The following PRKCE variants were observed in gnomAD, a reference collection of about 807,000 sequenced individuals.
PRKCE encodes protein kinase C epsilon type.
In PRKCE, 16 loss-of-function variants were observed where a neutral mutation model predicts 85.4. The ratio of observed to expected loss-of-function variants is 0.19; its 90% CI spans 0.13 to 0.28. The LOEUF (loss-of-function observed/expected upper bound fraction) is 0.28, where lower values mean the gene tolerates loss of function less well. PRKCE is among the 10% of genes least tolerant of loss of function. The pLI is 1.00. For synonymous variants in PRKCE, 388 were observed against 371.5 expected, an observed-to-expected ratio of 1.04 and a Z score of -0.51; for missense variants, 573 against 975.2, an observed-to-expected ratio of 0.59 and a Z score of 5.49.
chr2:46,100,752 CAT>C (rs1390487764), intron 11 of PRKCE, among the ~76,000 whole-genome samples: 2 of 152,210 alleles, frequency 1.3e-5, no homozygotes, highest in Admixed American at 1.3e-4. Flanking sequence ...ACGAGTAAGT[CAT>C]TTTTGCTGTG....
intron 10 of PRKCE, among the ~76,000 whole-genome samples, chr2:46,019,812 CTGTT>C (rs1171596819): frequency 6.8e-6 from 1 of 147,632 alleles, no homozygotes; most frequent in Non-Finnish European, 1.5e-5. Context: ...TTCTCCTAAA[CTGTT>C]TGCTTTTTCT....
intron 12 of PRKCE, among the ~76,000 whole-genome samples, chr2:46,150,158 T>A (rs530298570): frequency 6.6e-6 from 1 of 152,316 alleles, no homozygotes; most frequent in East Asian, 1.9e-4. Context: ...CCAGAAAAGA[T>A]GTCTTGTATT....
At chr2:45,666,086 G>C (rs944111142) in intron 1 of PRKCE, among the ~76,000 whole-genome samples, 6 of 152,134 alleles carry the variant, frequency 3.9e-5, no homozygotes, top group African/African-American at 1.2e-4. Flanking sequence ...CTCCTCCCCT[G>C]ATGGTGAATA....
chr2:46,055,307 T>G (rs1367755152), intron 10 of PRKCE, among the ~76,000 whole-genome samples: 1 of 152,158 alleles, frequency 6.6e-6, no homozygotes, highest in East Asian at 1.9e-4. Context: ...CTGCACCTGC[T>G]CACCTGTGCT....
chr2:46,074,007 G>T (rs555318903), intron 10 of PRKCE: 1 of 152,194 alleles, frequency 6.6e-6, no homozygotes, highest in East Asian at 1.9e-4. Flanking sequence ...AGGTAAGAGG[G>T]GGCAGCTTTT....
intron 1 of PRKCE, among the ~76,000 whole-genome samples, chr2:45,802,083 TA>T (rs36010894): frequency 0.077 from 9,342 of 121,844 alleles, 410 homozygotes; most frequent in East Asian, 0.24. Context: ...GACCCTATCT[TA>T]AAAAAAAAAA....
rs752346696 is a variant in PRKCE, at chr2:46,073,823, A to T, written c.1438-12385A>T. 25 of 152,114 alleles carry T rather than the reference A, an allele frequency of 1.6e-4. 1 individual carries two copies. The highest frequency in any genetic ancestry group is 3.3e-4 in the Admixed American group (5 of 15,268). 9.4% of individuals were successfully genotyped at this position (152,114 alleles called of 1,614,324 possible). A position where few individuals can be genotyped will look rare whatever the true frequency, so the allele number is the denominator to read the frequency against. On this transcript the variant is annotated intron_variant, in intron 10 of 14. Transcript: ENST00000306156. ...ATGAATACATCTGGGGATGGAAGAG[A>T]GACACCGTCCTTCCAGTATTCCAAG...
chr2:45,791,143 TCAC>T (rs1422291772), intron 1 of PRKCE, among the ~76,000 whole-genome samples: 127 of 152,304 alleles, frequency 8.3e-4, no homozygotes, highest in African/African-American at 2.8e-3. Context: ...CTCTGACTGG[TCAC>T]GGGGCTTGGG....
intron 1 of PRKCE, among the ~76,000 whole-genome samples, chr2:45,664,339 C>T (rs937211336): frequency 6.6e-6 from 1 of 152,126 alleles, no homozygotes; most frequent in Non-Finnish European, 1.5e-5. Flanking sequence ...CCTATATGTA[C>T]CAGTCTCCTC....
At chr2:45,764,289 G>A (rs900752456) in intron 1 of PRKCE, among the ~76,000 whole-genome samples, 1 of 152,188 alleles carries the variant, frequency 6.6e-6, no homozygotes, top group African/African-American at 2.4e-5. Context: ...AACACAAGAG[G>A]GGTAAAATTC....
intron 11 of PRKCE, among the ~76,000 whole-genome samples, chr2:46,089,628 G>A (rs1489996705): frequency 2.0e-5 from 3 of 152,232 alleles, no homozygotes; most frequent in Non-Finnish European, 4.4e-5. Flanking sequence ...TAGCTTTGTA[G>A]TTTGGGCCCA....
rs370147788 is a variant in PRKCE, at chr2:45,903,171, G to A, written c.412+60108G>A. 8.4e-4 allele frequency among the ~76,000 whole-genome samples: 128 copies of A among 152,304 alleles called. 3 individuals carry two copies. The South Asian group carries it at 0.025, about 30-fold the overall frequency. On this transcript the variant is annotated intron_variant, in intron 2 of 14. Transcript: ENST00000306156. Reference sequence around the variant, plus strand: ...CAGTGCCCGAGGGAGTTGATTGGAAGGAAGTCAGAGGGACTTCATTAAATA... The same window carrying A: ...CAGTGCCCGAGGGAGTTGATTGGAAAGAAGTCAGAGGGACTTCATTAAATA...
intron 12 of PRKCE, 23 bp from the exon 13 acceptor site, chr2:46,151,018 G>A: frequency 1.9e-6 from 3 of 1,584,194 alleles, no homozygotes; most frequent in Non-Finnish European, 2.6e-6. Flanking sequence ...GATGGTGCCT[G>A]ACATTGCTGG....
In PRKCE at chr2:45,652,156, A is replaced by G. The variant is rs748113490; in HGVS notation, c.56A>G (p.Lys19Arg). 6.2e-7 allele frequency: 1 copy of G among 1,609,932 alleles called. No individual in the cohort carries two copies. The highest frequency in any genetic ancestry group is 8.5e-7 in the Non-Finnish European group (1 of 1,177,992). The change falls in exon 1 of 15, where the codon AAG (lysine) becomes AGG (arginine). Residue 19 changes from lysine to arginine, a missense_variant. Physicochemically the swap from Lys to Arg is conservative, Grantham distance 26 (BLOSUM62 2). This residue lies in a region of PRKCE where 100 missense variants were observed against 177.1 expected (regional missense o/e 0.56). Transcript: ENST00000306156. The surrounding 1 kb of genome is among the most constrained non-coding windows in gnomAD (Gnocchi z 7.7). ...KIKICEAVSL[K>R]PTAWSLRHAV... ...AAAATCTGCGAGGCCGTGAGCTTGA[A>G]GCCCACAGCCTGGTCGCTGCGCCAT...
At chr2:46,083,957 C>G (rs1249113789) in intron 10 of PRKCE, among the ~76,000 whole-genome samples, 1 of 152,202 alleles carries the variant, frequency 6.6e-6, no homozygotes, top group Non-Finnish European at 1.5e-5. Context: ...TGGGAATCAC[C>G]TGAGGAGCTT....
chr2:45,754,006 G>A (rs1455346369), intron 1 of PRKCE, among the ~76,000 whole-genome samples: 4 of 152,224 alleles, frequency 2.6e-5, no homozygotes, highest in African/African-American at 2.4e-5. Context: ...GCAGTTGAAT[G>A]AGGAGATGAA....
At chr2:45,898,747 A>ATTG (rs1696343252) in intron 2 of PRKCE, among the ~76,000 whole-genome samples, 1 of 152,132 alleles carries the variant, frequency 6.6e-6, no homozygotes, top group South Asian at 2.1e-4. Context: ...TTTGAATACT[A>ATTG]TTGTAACCAG....
chr2:45,722,464 G>A (rs1197146721), intron 1 of PRKCE, among the ~76,000 whole-genome samples: 10 of 152,164 alleles, frequency 6.6e-5, no homozygotes, highest in East Asian at 5.8e-4. Context: ...TGAAAAGGCC[G>A]CAGGAACCTC....
At chr2:45,950,514 C>A (rs1489772169) in intron 2 of PRKCE, among the ~76,000 whole-genome samples, 3 of 151,860 alleles carry the variant, frequency 2.0e-5, no homozygotes, top group African/African-American at 7.3e-5. Context: ...GATGTCACAG[C>A]ACATTTGCAT....
Sources: gnomAD v4.1 joint callset for allele counts (sites outside exome capture counted in the v4.1 genomes callset) on GRCh38, gnomAD v4.1.1 for gene constraint, gnomAD v4.1.1 regional missense constraint, Gnocchi (gnomAD v3.1) non-coding constraint, MANE v1.5 for transcripts, NCBI Gene and HGNC (gene_info 2026-07-23, HGNC 2026-07-21) for gene names.